Variants in CCDC148 observed in about 807,000 individuals in gnomAD.
The protein encoded by CCDC148 is coiled-coil domain containing 148, also known as coiled-coil domain-containing protein 148.
Under a neutral mutation model 85.7 loss-of-function variants are expected in CCDC148, and 89 were observed. That is an observed-to-expected ratio of 1.04 (90% CI 0.87 to 1.24). CCDC148 has a LOEUF of 1.24. Among genes scored for constraint, CCDC148 ranks in the 50% most tolerant of loss-of-function variants. The probability of loss-of-function intolerance (pLI) is 0.00; values close to 1 mark genes in which losing one functional copy is unlikely to be tolerated. For missense variants in CCDC148, 692 were observed against 671.7 expected, an observed-to-expected ratio of 1.03 and a Z score of -0.33; for synonymous variants, 230 against 213.9, an observed-to-expected ratio of 1.08 and a Z score of -0.66.
intron 11 of CCDC148, among the ~76,000 whole-genome samples, chr2:158,181,596 A>G (rs1026494147): frequency 6.6e-6 from 1 of 152,144 alleles, no homozygotes; most frequent in African/African-American, 2.4e-5. Flanking sequence ...AATAGGAGGA[A>G]GTACTCTGAA....
intron 9 of CCDC148, among the ~76,000 whole-genome samples, chr2:158,277,336 G>A (rs186084060): frequency 4.6e-5 from 7 of 152,288 alleles, no homozygotes; most frequent in Admixed American, 2.0e-4. Context: ...TTTCCTTGAG[G>A]TGATAATGAC....
chr2:158,372,680 A>C (rs571969126), intron 1 of CCDC148, among the ~76,000 whole-genome samples: 1 of 152,112 alleles, frequency 6.6e-6, no homozygotes, highest in East Asian at 1.9e-4. Context: ...AATTTTATCA[A>C]TATCCTTTTA....
chr2:158,322,177 G>A (rs2105221709), intron 7 of CCDC148, among the ~76,000 whole-genome samples: 1 of 152,158 alleles, frequency 6.6e-6, no homozygotes, highest in Non-Finnish European at 1.5e-5. Flanking sequence ...AATAATTATA[G>A]AACTACTCAA....
intron 1 of CCDC148, among the ~76,000 whole-genome samples, chr2:158,424,097 G>A (rs1017865921): frequency 6.6e-6 from 1 of 152,288 alleles, no homozygotes; most frequent in Non-Finnish European, 1.5e-5. Flanking sequence ...GGAGAAATAG[G>A]AACACTTTTA....
intron 1 of CCDC148, among the ~76,000 whole-genome samples, chr2:158,372,061 T>A (rs564934512): frequency 1.3e-5 from 2 of 151,974 alleles, no homozygotes; most frequent in African/African-American, 4.8e-5. Flanking sequence ...GCAAACAACC[T>A]AAAAGGGCCC....
chr2:158,247,471 A>G (rs1574480293), intron 10 of CCDC148, among the ~76,000 whole-genome samples: 1 of 152,164 alleles, frequency 6.6e-6, no homozygotes, highest in Admixed American at 6.6e-5. Context: ...CTGCTGCAGC[A>G]CAGCCTATAC....
chr2:158,231,511 G>A (rs1408954011), intron 10 of CCDC148, among the ~76,000 whole-genome samples: 12 of 152,056 alleles, frequency 7.9e-5, no homozygotes, highest in African/African-American at 2.9e-4. Flanking sequence ...GGAAAGTTCT[G>A]CCTTGCCTTA....
chr2:158,333,233 T>C (rs897700660), intron 7 of CCDC148, among the ~76,000 whole-genome samples: 14 of 152,236 alleles, frequency 9.2e-5, no homozygotes, highest in African/African-American at 3.1e-4. Flanking sequence ...TTTGTTCTCA[T>C]TGGTTTCAAA....
intron 1 of CCDC148, among the ~76,000 whole-genome samples, chr2:158,385,199 G>C (rs376058075): frequency 8.5e-5 from 13 of 152,156 alleles, no homozygotes; most frequent in Admixed American, 4.6e-4. Context: ...CTTGTGACAA[G>C]ATCAGGCTTA....
intron 9 of CCDC148, among the ~76,000 whole-genome samples, chr2:158,255,879 C>T (rs969066899): frequency 5.1e-4 from 77 of 151,724 alleles, no homozygotes; most frequent in African/African-American, 1.7e-3. Context: ...ATATGCCTAC[C>T]AAGGGTTGTC....
chr2:158,358,385 T>G (rs1197827017), intron 2 of CCDC148, 64 bp downstream of exon 2: 1 of 1,560,198 alleles, frequency 6.4e-7, no homozygotes, highest in Non-Finnish European at 8.6e-7. Flanking sequence ...ATTGACAATG[T>G]AAATACTTTC....
Position 158,176,587 on chromosome 2 carries a change from A to G in CCDC148, c.1563T>C (p.Ile521=). The change falls in exon 13 of 14, where the codon ATT becomes ATC. Residue 521 remains isoleucine (I), a synonymous_variant. Coordinates refer to ENST00000283233, the MANE Select transcript of CCDC148 (RefSeq NM_138803.4). The part of the protein sequence containing the change: ...DTMASKARMG[I]EIEEEFILQK... ...GAAGAATAAATTCTTCTTCAATTTC[A>G]ATGCCCATTCTAGCTTTTGATGCCA... 1 of 1,612,230 alleles carries G rather than the reference A, an allele frequency of 6.2e-7. No individual in the cohort carries two copies. Among genetic ancestry groups the G allele is most frequent in the Non-Finnish European group, 8.5e-7 (1 of 1,178,980 alleles).
At chr2:158,229,302 G>A (rs1687732541) in intron 10 of CCDC148, among the ~76,000 whole-genome samples, 1 of 152,132 alleles carries the variant, frequency 6.6e-6, no homozygotes, top group African/African-American at 2.4e-5. Flanking sequence ...CCCTAGTGCA[G>A]CTCTCATCAC....
intron 11 of CCDC148, among the ~76,000 whole-genome samples, chr2:158,212,307 A>G (rs1686622765): frequency 6.6e-6 from 1 of 152,206 alleles, no homozygotes; most frequent in African/African-American, 2.4e-5. Flanking sequence ...GTTTGTAAAA[A>G]TTTCTGATTA....
chr2:158,392,919 T>A (rs1002155831), intron 1 of CCDC148, among the ~76,000 whole-genome samples: 2 of 152,126 alleles, frequency 1.3e-5, no homozygotes, highest in African/African-American at 4.8e-5. Context: ...ACAGTGTTTG[T>A]AGCAGTATAG....
chr2:158,330,563 G>A (rs956799205), intron 7 of CCDC148, among the ~76,000 whole-genome samples: 6 of 152,130 alleles, frequency 3.9e-5, no homozygotes, highest in Admixed American at 1.3e-4. Flanking sequence ...CTATTGATTG[G>A]AATAGGTTCA....
intron 11 of CCDC148, among the ~76,000 whole-genome samples, chr2:158,192,262 T>A (rs991596037): frequency 1.3e-5 from 2 of 152,012 alleles, no homozygotes; most frequent in Non-Finnish European, 1.5e-5. Flanking sequence ...TCCATATGGG[T>A]CTCTCTTTGG....
chr2:158,336,685 C>T (rs1682403250), intron 7 of CCDC148, among the ~76,000 whole-genome samples: 3 of 152,144 alleles, frequency 2.0e-5, no homozygotes, highest in African/African-American at 7.2e-5. Context: ...TATATTCCTC[C>T]AAAGTAGATT....
chr2:158,215,828 T>C (rs1686821694), intron 11 of CCDC148, among the ~76,000 whole-genome samples: 1 of 152,304 alleles, frequency 6.6e-6, no homozygotes, highest in South Asian at 2.1e-4. Context: ...TTTGGATATG[T>C]AGCCCTCACG....
Sources: allele counts gnomAD v4.1 joint callset (sites outside exome capture counted in the v4.1 genomes callset), GRCh38; gene constraint gnomAD v4.1.1; transcripts MANE v1.5; gene names NCBI Gene and HGNC (gene_info 2026-07-23, HGNC 2026-07-21).